BOLL: variants seen among roughly 807,000 people sequenced by gnomAD.
The protein encoded by BOLL is protein boule-like.
A neutral mutation model predicts 44.4 loss-of-function variants in BOLL; 23 were observed. The ratio of observed to expected loss-of-function variants is 0.52; its 90% CI spans 0.37 to 0.73. The LOEUF is 0.73. BOLL is among the 30% of genes least tolerant of loss of function. The pLI is 0.00. For synonymous variants in BOLL, 97 were observed against 110.8 expected (o/e 0.88, Z 0.78); for missense variants, 287 against 338.3 (o/e 0.85, Z 1.19).
In BOLL at chr2:197,728,121, A is replaced by C. The variant is rs1352445477; in HGVS notation, c.*434T>G. Reference sequence around the variant, plus strand: ...GTTGTAAAATATATGAAAGTATTAAAAGTATTATAATTAAAAATGATTCTT... The same window carrying C: ...GTTGTAAAATATATGAAAGTATTAACAGTATTATAATTAAAAATGATTCTT... On this transcript the variant is annotated 3_prime_UTR_variant, in exon 11 of 11. Transcript: ENST00000392296. 5.0e-6 allele frequency: 1 copy of C among 198,402 alleles called. No homozygotes were observed. The highest frequency in any genetic ancestry group is 2.3e-5 in the African/African-American group (1 of 43,184). 12.3% of individuals were successfully genotyped at this position (198,402 alleles called of 1,614,324 possible).
At chr2:197,729,198 C>G (rs149313222) in intron 10 of BOLL, among the ~76,000 whole-genome samples, 1 of 152,154 alleles carries the variant, frequency 6.6e-6, no homozygotes, top group Non-Finnish European at 1.5e-5. Flanking sequence ...CTTTCTGAGT[C>G]AAAGAAAGGG....
chr2:197,778,840 C>A, intron 3 of BOLL, 135 bp downstream of exon 3: 1 of 634,846 alleles, frequency 1.6e-6, no homozygotes, highest in Non-Finnish European at 2.6e-6. Flanking sequence ...ACAAGGAAAT[C>A]AAAAGGTAGG....
At chr2:197,739,729 A>G (rs990790699) in intron 10 of BOLL, among the ~76,000 whole-genome samples, 10 of 152,342 alleles carry the variant, frequency 6.6e-5, no homozygotes, top group African/African-American at 2.4e-4. Flanking sequence ...TTAGAGAAAT[A>G]TATACTCTTA....
intron 10 of BOLL, among the ~76,000 whole-genome samples, chr2:197,730,215 G>A (rs1330655589): frequency 2.8e-4 from 38 of 134,458 alleles, no homozygotes; most frequent in Admixed American, 4.5e-4. Context: ...GGGTATCAGC[G>A]ATGGAAGATG....
chr2:197,750,662 C>G (rs1273551910), intron 9 of BOLL, among the ~76,000 whole-genome samples: 1 of 152,174 alleles, frequency 6.6e-6, no homozygotes, highest in African/African-American at 2.4e-5. Flanking sequence ...TCTTAGAAAC[C>G]TACACAGAGA....
Position 197,775,670 on chromosome 2 carries a change from A to G in BOLL, c.347T>C (p.Ile116Thr). The G allele has an allele frequency of 1.9e-6, 3 of 1,556,026 alleles. No homozygotes were observed. Among genetic ancestry groups the G allele is most frequent in the Non-Finnish European group, 2.6e-6 (3 of 1,146,716 alleles). ...GPAIRKQQVG[I>T]PRSSIMPAAG... Reference sequence around the variant, plus strand: ...CATTAGTTCTCAATACATACGAGGGATCCCTACTTGTTGTTTTCTTATTGC... The same window carrying G: ...CATTAGTTCTCAATACATACGAGGGGTCCCTACTTGTTGTTTTCTTATTGC... Residue 116 changes from isoleucine (I) to threonine (T), a missense_variant, in exon 5 of 11, where the codon ATC (isoleucine) becomes ACC (threonine). By Grantham distance (89) the Ile-to-Thr change is moderately conservative. Coordinates refer to ENST00000392296, the MANE Select transcript of BOLL (RefSeq NM_033030.6).
At chr2:197,752,423 C>T (rs752162325) in intron 9 of BOLL, among the ~76,000 whole-genome samples, 2 of 152,168 alleles carry the variant, frequency 1.3e-5, no homozygotes, top group Non-Finnish European at 2.9e-5. Flanking sequence ...CCCCAAAACT[C>T]CTTAAACTGA....
At position 197,779,075 on chromosome 2, in the gene BOLL, A is replaced by AT. The variant is rs2106389951; in HGVS notation, c.130-10dup. The AT allele has an allele frequency of 1.3e-6, 2 of 1,585,178 alleles. No homozygotes were observed. Among genetic ancestry groups the AT allele is most frequent in the East Asian group, 4.5e-5 (2 of 44,666 alleles). On this transcript the variant is annotated splice_polypyrimidine_tract_variant and intron_variant, in intron 2 of 10. Transcript: ENST00000392296. ...AAATCACTTTCGTTTGTCTAATGGC[A>AT]TAAAAAGAAAACGTTAAAAAGCATT...
chr2:197,731,172 G>T (rs1050119425), intron 10 of BOLL, among the ~76,000 whole-genome samples: 18 of 151,808 alleles, frequency 1.2e-4, no homozygotes, highest in Non-Finnish European at 1.9e-4. Flanking sequence ...TCCTGGTCTT[G>T]GATAAAACAG....
At chr2:197,746,774 C>T (rs1184551146) in intron 9 of BOLL, among the ~76,000 whole-genome samples, 1 of 151,800 alleles carries the variant, frequency 6.6e-6, no homozygotes, top group African/African-American at 2.4e-5. Flanking sequence ...GTGGTGTGCG[C>T]CTGTAGTCCC....
intron 6 of BOLL, among the ~76,000 whole-genome samples, chr2:197,767,243 T>A (rs532519941): frequency 6.6e-6 from 1 of 152,100 alleles, no homozygotes; most frequent in East Asian, 1.9e-4. Context: ...AGATCTTTAA[T>A]AAAACAGGCA....
In BOLL at chr2:197,727,832, T is replaced by A. The variant is rs1361103318; in HGVS notation, c.*723A>T. 2.0e-5 allele frequency: 3 copies of A among 152,252 alleles called. No homozygotes were observed. The highest frequency in any genetic ancestry group is 2.0e-4 in the Admixed American group (3 of 15,286). 9.4% of individuals were successfully genotyped at this position (152,252 alleles called of 1,614,324 possible). On this transcript the variant is annotated 3_prime_UTR_variant, in exon 11 of 11. Transcript: ENST00000392296. Reference sequence around the variant, plus strand: ...ATTATGTTATAGGAAGATTTCAATATTGTCTCAAACACTGGAGAAAAAATT... The same window carrying A: ...ATTATGTTATAGGAAGATTTCAATAATGTCTCAAACACTGGAGAAAAAATT...
Position 197,759,112 on chromosome 2 carries a change from A to G in BOLL, c.553-1712T>C. On this transcript the variant is annotated intron_variant, in intron 7 of 10. Transcript: ENST00000392296. ...CCCCGCCACAAGAAAAGACTAAGGC[A>G]AAGAATAAACAGCTACAATTTGACA... 5 of 868,464 alleles carry G rather than the reference A, an allele frequency of 5.8e-6. 1 individual carries two copies. In the South Asian group the frequency reaches 7.7e-5, roughly 13 times the overall value. 53.8% of individuals were successfully genotyped at this position (868,464 alleles called of 1,614,324 possible). A position where few individuals can be genotyped will look rare whatever the true frequency, so the allele number is the denominator to read the frequency against.
chr2:197,778,906 C>A, intron 3 of BOLL, 69 bp downstream of exon 3: 1 of 1,316,604 alleles, frequency 7.6e-7, no homozygotes, highest in East Asian at 2.3e-5. Flanking sequence ...AGTAAACTGG[C>A]GTACAAAACC....
chr2:197,757,259 G>T (rs977583317), intron 8 of BOLL, 94 bp downstream of exon 8: 9 of 1,012,956 alleles, frequency 8.9e-6, no homozygotes, highest in African/African-American at 1.7e-5. Flanking sequence ...GAAGAAGAAG[G>T]TCTCAAATCT....
chr2:197,780,358 T>C (rs1417164193), intron 2 of BOLL, among the ~76,000 whole-genome samples: 1 of 152,100 alleles, frequency 6.6e-6, no homozygotes, highest in Admixed American at 6.6e-5. Context: ...CCCTAGCAAT[T>C]ACCTTAAAGC....
chr2:197,741,602 T>C (rs1432887852), intron 10 of BOLL, among the ~76,000 whole-genome samples: 3 of 152,120 alleles, frequency 2.0e-5, no homozygotes, highest in Non-Finnish European at 4.4e-5. Context: ...GAAAACTGGC[T>C]AGCCATATGT....
At position 197,780,403 on chromosome 2, in the gene BOLL, AT is replaced by A. The variant is rs1558999479; in HGVS notation, c.129+1318del. Among the ~76,000 whole-genome samples the A allele has an allele frequency of 3.9e-5, 6 of 152,190 alleles. 1 individual carries two copies. Among genetic ancestry groups the A allele is most frequent in the South Asian group, 4.1e-4 (2 of 4,830 alleles). ...ATTATAACAACCGTCTCCAAAGTGC[AT>A]GCTGTAGCTGATGGGCTTCAGTAAC... is the stretch of plus-strand genomic sequence containing the variant. On this transcript the variant is annotated intron_variant, in intron 2 of 10. Transcript: ENST00000392296.
chr2:197,785,297 C>T lies in BOLL; in HGVS notation c.-257G>A, dbSNP rs530377653. On this transcript the variant is annotated 5_prime_UTR_variant, in exon 1 of 11. Coordinates refer to ENST00000392296, the MANE Select transcript of BOLL (RefSeq NM_033030.6). This position sits in a 1 kb window ranked among gnomAD's most constrained non-coding sequence, Gnocchi z 6.7. ...CGGGAAGCCTCAACGGCAGCGACCC[C>T]GCCGCTGGCCTCGTGCGCAGCTGGT... 8.5e-5 allele frequency: 84 copies of T among 985,590 alleles called. No individual in the cohort carries two copies. Among genetic ancestry groups the T allele is most frequent in the Non-Finnish European group, 9.3e-5 (77 of 829,912 alleles). 61.1% of individuals were successfully genotyped at this position (985,590 alleles called of 1,614,324 possible).
Sources: gnomAD v4.1 joint callset for allele counts (sites outside exome capture counted in the v4.1 genomes callset) on GRCh38, gnomAD v4.1.1 for gene constraint, Gnocchi (gnomAD v3.1) non-coding constraint, MANE v1.5 for transcripts, NCBI Gene and HGNC (gene_info 2026-07-23, HGNC 2026-07-21) for gene names.